Variants in MALRD1 observed in about 807,000 individuals in gnomAD.
MALRD1 encodes MAM and LDL receptor class A domain containing 1, also known as MAM and LDL-receptor class A domain-containing protein 1.
A neutral mutation model predicts 242.1 loss-of-function variants in MALRD1; 247 were observed. The ratio of observed to expected loss-of-function variants is 1.02; its 90% CI spans 0.92 to 1.13. The LOEUF is 1.13. Among genes scored for constraint, MALRD1 ranks in the 50% most tolerant of loss-of-function variants. The pLI is 0.00. For synonymous variants in MALRD1, 995 were observed against 866.6 expected (o/e 1.15, Z -2.60); for missense variants, 2,989 against 2,533.1 (o/e 1.18, Z -3.86).
chr10:19,147,197 T>A lies in MALRD1; in HGVS notation c.1558+853T>A, dbSNP rs187960540. 1.5e-3 allele frequency among the ~76,000 whole-genome samples: 234 copies of A among 152,308 alleles called. 1 individual carries two copies. The highest frequency in any genetic ancestry group is 5.3e-3 in the African/African-American group (220 of 41,570). The stretch of plus-strand genomic sequence containing the variant: ...ACAATTGTACTTGTACTGTAGATCA[T>A]CTTTCAACCTCATTGAACATTATCC... On this transcript the variant is annotated intron_variant, in intron 11 of 39. Transcript: ENST00000454679.
At chr10:19,283,273 T>C (rs1840912204) in intron 21 of MALRD1, 92 bp downstream of exon 21, 1 of 1,075,186 alleles carries the variant, frequency 9.3e-7, no homozygotes, top group Non-Finnish European at 1.2e-6. Flanking sequence ...CCTAGGCCAA[T>C]GCTACTGTAA....
intron 5 of MALRD1, among the ~76,000 whole-genome samples, chr10:19,118,705 C>A (rs1406279206): frequency 6.6e-6 from 1 of 152,164 alleles, no homozygotes; most frequent in African/African-American, 2.4e-5. Context: ...TTCACTTTCC[C>A]ATCATGGCCT....
chr10:19,341,088 T>A (rs1843825649), intron 24 of MALRD1, among the ~76,000 whole-genome samples: 1 of 147,688 alleles, frequency 6.8e-6, no homozygotes, highest in Non-Finnish European at 1.5e-5. Flanking sequence ...CGATATTAAT[T>A]TTTTAACCAT....
intron 13 of MALRD1, among the ~76,000 whole-genome samples, chr10:19,171,567 C>T (rs1221572764): frequency 7.1e-6 from 1 of 139,994 alleles, no homozygotes; most frequent in Non-Finnish European, 1.6e-5. Context: ...TATAAATACA[C>T]ACACACATAT....
intron 9 of MALRD1, among the ~76,000 whole-genome samples, chr10:19,135,003 T>G (rs1024873505): frequency 6.6e-6 from 1 of 152,176 alleles, no homozygotes; most frequent in African/African-American, 2.4e-5. Flanking sequence ...ATGATATTCA[T>G]TATGGGAAAA....
At chr10:19,654,647 A>G (rs766311415) in intron 36 of MALRD1, among the ~76,000 whole-genome samples, 2 of 152,192 alleles carry the variant, frequency 1.3e-5, no homozygotes, top group Non-Finnish European at 2.9e-5. Context: ...CTAAAATCCA[A>G]TGTTCTTAAA....
intron 36 of MALRD1, among the ~76,000 whole-genome samples, chr10:19,661,826 G>C (rs1431523278): frequency 6.6e-6 from 1 of 152,014 alleles, no homozygotes; most frequent in African/African-American, 2.4e-5. Flanking sequence ...AGGAAAACAA[G>C]TGACAGATGA....
At chr10:19,626,864 G>C (rs1839678750) in intron 36 of MALRD1, among the ~76,000 whole-genome samples, 1 of 152,042 alleles carries the variant, frequency 6.6e-6, no homozygotes, top group South Asian at 2.1e-4. Flanking sequence ...TTTTGAAATA[G>C]GCAGTTGGAT....
intron 18 of MALRD1, among the ~76,000 whole-genome samples, chr10:19,248,352 G>T (rs1401185728): frequency 6.6e-6 from 1 of 150,574 alleles, no homozygotes; most frequent in Non-Finnish European, 1.5e-5. Context: ...CTCTTGTAAG[G>T]GTCCAAAGTC....
At position 19,094,480 on chromosome 10, in the gene MALRD1, C is replaced by T. The variant is rs371984243; in HGVS notation, c.597+6295C>T. 6.3e-4 allele frequency among the ~76,000 whole-genome samples: 94 copies of T among 149,580 alleles called. 4 individuals are homozygous for T. The East Asian group carries it at 0.016, about 25-fold the overall frequency. ...CACGGTGTGCACACACACTGGCCTGCGCCCACTGTCTGGCACTCCCTAGTG... is the reference window on the plus strand; with the variant it reads ...CACGGTGTGCACACACACTGGCCTGTGCCCACTGTCTGGCACTCCCTAGTG... On this transcript the variant is annotated intron_variant, in intron 4 of 39. Transcript: ENST00000454679.
chr10:19,540,804 A>T (rs1229897930), intron 32 of MALRD1, among the ~76,000 whole-genome samples: 2 of 152,196 alleles, frequency 1.3e-5, no homozygotes, highest in East Asian at 3.9e-4. Flanking sequence ...TTACAAAAAT[A>T]TATATATTTT....
intron 13 of MALRD1, 139 bp downstream of exon 13, chr10:19,165,949 C>G (rs2131506919): frequency 1.8e-6 from 1 of 547,978 alleles, no homozygotes; most frequent in African/African-American, 2.0e-5. Flanking sequence ...ACAGAAGACA[C>G]TTATTTAATG....
chr10:19,257,877 C>A, intron 19 of MALRD1, 106 bp downstream of exon 19: 1 of 702,652 alleles, frequency 1.4e-6, no homozygotes, highest in East Asian at 3.1e-5. Context: ...TATGACCTTG[C>A]TTTTATTCTT....
rs74118885 is a variant in MALRD1 at position 19,229,002 on chromosome 10, G to T, written c.2991+19322G>T. On this transcript the variant is annotated intron_variant, in intron 18 of 39. Transcript: ENST00000454679. The stretch of plus-strand genomic sequence containing the variant: ...ATGTGGTGTGTGTGTGTGTGTGTGT[G>T]TAAGTGTGTGATTTGAAGAATTGAA... Among the ~76,000 whole-genome samples, 874 of 151,902 alleles carry T rather than the reference G, an allele frequency of 5.8e-3. 15 individuals carry two copies. Among genetic ancestry groups the T allele is most frequent in the African/African-American group, 0.02 (841 of 41,426 alleles).
At chr10:19,357,010 G>C (rs982537218) in intron 26 of MALRD1, among the ~76,000 whole-genome samples, 4 of 151,928 alleles carry the variant, frequency 2.6e-5, no homozygotes, top group African/African-American at 9.7e-5. Flanking sequence ...CTGGGAGGCT[G>C]AGGCAGGGAG....
intron 31 of MALRD1, among the ~76,000 whole-genome samples, chr10:19,519,837 T>C (rs1045748233): frequency 2.0e-5 from 3 of 152,210 alleles, no homozygotes; most frequent in Admixed American, 6.5e-5. Context: ...GTAAATACTT[T>C]AGTTTGGAAC....
rs141707484 is a variant in MALRD1 at position 19,652,902 on chromosome 10, G to A, written c.6137+36979G>A. ...GCTTTGGCTCCTGCCACCATGCAACGTTGCTTCTTTCTCAACAATCTGTCT... is the reference window on the plus strand; with the variant it reads ...GCTTTGGCTCCTGCCACCATGCAACATTGCTTCTTTCTCAACAATCTGTCT... On this transcript the variant is annotated intron_variant, in intron 36 of 39. Transcript: ENST00000454679. Among the ~76,000 whole-genome samples the A allele has an allele frequency of 4.3e-4, 66 of 152,256 alleles. No homozygotes were observed. The East Asian group carries it at 0.011, about 25-fold the overall frequency.
chr10:19,395,467 T>C (rs1328312566), intron 28 of MALRD1, among the ~76,000 whole-genome samples: 1 of 152,178 alleles, frequency 6.6e-6, no homozygotes, highest in Non-Finnish European at 1.5e-5. Flanking sequence ...AGACAAATGG[T>C]TGCATTCCTT....
intron 13 of MALRD1, among the ~76,000 whole-genome samples, chr10:19,171,460 A>G (rs12263490): frequency 0.011 from 1,461 of 137,372 alleles, 111 homozygotes; most frequent in African/African-American, 0.039. Flanking sequence ...ATATATATAC[A>G]CACATGTATA....
Sources: gnomAD v4.1 joint callset for allele counts (sites outside exome capture counted in the v4.1 genomes callset) on GRCh38, gnomAD v4.1.1 for gene constraint, MANE v1.5 for transcripts, NCBI Gene and HGNC (gene_info 2026-07-23, HGNC 2026-07-21) for gene names.